The following INSR variants were observed in gnomAD, a reference collection of about 807,000 sequenced individuals.
The protein encoded by INSR is insulin receptor, also known as IR.
In INSR, 67 loss-of-function variants were observed where a neutral mutation model predicts 142.6. The observed-to-expected ratio is 0.47, with a 90% CI of 0.39 to 0.58. INSR has a LOEUF of 0.58. INSR is among the 20% of genes least tolerant of loss of function. The pLI, the probability that INSR is intolerant of heterozygous loss-of-function variation, is 0.00. For missense variants in INSR, 1,248 were observed against 1,833.2 expected, an observed-to-expected ratio of 0.68 and a Z score of 5.83; for synonymous variants, 756 against 743.1, an observed-to-expected ratio of 1.02 and a Z score of -0.28.
intron 2 of INSR, among the ~76,000 whole-genome samples, chr19:7,191,818 G>T (rs1974595539): frequency 6.6e-6 from 1 of 150,376 alleles, no homozygotes; most frequent in Non-Finnish European, 1.5e-5. Flanking sequence ...AATAAAGCAA[G>T]ACCCTATCTT....
At chr19:7,245,824 G>A (rs1308024391) in intron 2 of INSR, among the ~76,000 whole-genome samples, 2 of 152,120 alleles carry the variant, frequency 1.3e-5, no homozygotes, top group Non-Finnish European at 2.9e-5. Context: ...TAAACAGTAT[G>A]GTACTGGGAT....
chr19:7,251,224 A>C (rs577333359), intron 2 of INSR, among the ~76,000 whole-genome samples: 1 of 152,008 alleles, frequency 6.6e-6, no homozygotes, highest in Admixed American at 6.5e-5. Flanking sequence ...GTTCAAAACC[A>C]CTGCTAGAGA....
chr19:7,191,710 T>A (rs191556344), intron 2 of INSR, among the ~76,000 whole-genome samples: 439 of 152,004 alleles, frequency 2.9e-3, no homozygotes, highest in Middle Eastern at 0.014. Flanking sequence ...AAACCAATAG[T>A]CCCAGCTACT....
At chr19:7,268,301 TG>T (rs1967804417) in intron 1 of INSR, 3 of 371,796 alleles carry the variant, frequency 8.1e-6, no homozygotes, top group Non-Finnish European at 1.1e-5. Flanking sequence ...CGGTCAGAAA[TG>T]GGGCAAGGAA....
At chr19:7,128,374 G>C (rs930144478) in intron 15 of INSR, among the ~76,000 whole-genome samples, 1 of 151,574 alleles carries the variant, frequency 6.6e-6, no homozygotes, top group Non-Finnish European at 1.5e-5. Flanking sequence ...ACCATGCCCG[G>C]TTAATTTTTT....
At chr19:7,213,141 C>G (rs373631924) in intron 2 of INSR, among the ~76,000 whole-genome samples, 43 of 152,068 alleles carry the variant, frequency 2.8e-4, no homozygotes, top group Admixed American at 1.6e-3. Flanking sequence ...GTCAGGAGAT[C>G]GAGACCATCC....
At chr19:7,195,651 T>A (rs971043233) in intron 2 of INSR, among the ~76,000 whole-genome samples, 11 of 140,596 alleles carry the variant, frequency 7.8e-5, no homozygotes, top group East Asian at 3.9e-4. Flanking sequence ...CAAAAAAAAA[T>A]AAAAATAAAT....
At chr19:7,149,287 C>A (rs1179621329) in intron 11 of INSR, among the ~76,000 whole-genome samples, 1 of 152,098 alleles carries the variant, frequency 6.6e-6, no homozygotes, top group Non-Finnish European at 1.5e-5. Flanking sequence ...GTTAGTATTG[C>A]AAATGGCCAC....
In INSR at chr19:7,222,125, G is replaced by A. The variant is rs1378581179; in HGVS notation, c.653-37488C>T. On this transcript the variant is annotated intron_variant, in intron 2 of 21. Coordinates refer to ENST00000302850, the MANE Select transcript of INSR (RefSeq NM_000208.4). ...GAAGACACTCTGAGCCTATGTCCTC[G>A]GTAAAAAAAAAAAAAAAAAAAATCA... 6.8e-4 allele frequency among the ~76,000 whole-genome samples: 8 copies of A among 11,808 alleles called. No individual in the cohort carries two copies. The South Asian group carries it at 0.018, about 26-fold the overall frequency. 7.7% of individuals were successfully genotyped at this position (11,808 alleles called of 152,430 possible).
At chr19:7,164,009 G>A (rs1349421028) in intron 8 of INSR, among the ~76,000 whole-genome samples, 4 of 140,372 alleles carry the variant, frequency 2.8e-5, no homozygotes, top group Admixed American at 7.7e-5. Flanking sequence ...TGAGGCAGGA[G>A]AATCTTGAAC....
Position 7,128,914 on chromosome 19 carries a change from G to C in INSR, c.2883C>G (p.Pro961=). The change falls in exon 15 of 22, where the codon CCC becomes CCG. Residue 961 remains proline (P), a synonymous_variant. Transcript: ENST00000302850. ...CACTGAAGAGAAAGACAAAGATGAG[G>C]GGGCCGATGATAATTTTTGCAATAT... ...PSNIAKIIIG[P]LIFVFLFSVV... 6.2e-7 allele frequency: 1 copy of C among 1,613,988 alleles called. No individual in the cohort carries two copies. The highest frequency in any genetic ancestry group is 1.3e-5 in the African/African-American group (1 of 75,028).
In INSR at chr19:7,119,588, C is replaced by T. The variant is rs770711598; in HGVS notation, c.3660-5G>A. 3 of 1,613,818 alleles carry T rather than the reference C, an allele frequency of 1.9e-6. No individual in the cohort carries two copies. Among genetic ancestry groups the T allele is most frequent in the East Asian group, 2.2e-5 (1 of 44,874 alleles). On this transcript the variant is annotated splice_region_variant and splice_polypyrimidine_tract_variant and intron_variant, in intron 20 of 21. Coordinates refer to ENST00000302850, the MANE Select transcript of INSR (RefSeq NM_000208.4). The surrounding 1 kb of genome is among the most constrained non-coding windows in gnomAD (Gnocchi z 5.2). Reference sequence around the variant, plus strand: ...CAAAGGACCACGCCAAAGGACCTGCCGATGACAGTTGATAGTAGTAACAAA... The same window carrying T: ...CAAAGGACCACGCCAAAGGACCTGCTGATGACAGTTGATAGTAGTAACAAA...
At chr19:7,228,976 C>G (rs11882212) in intron 2 of INSR, among the ~76,000 whole-genome samples, 10 of 151,208 alleles carry the variant, frequency 6.6e-5, no homozygotes, top group African/African-American at 9.7e-5. Flanking sequence ...GCAGAGTAGA[C>G]AGAAGGATGG....
At chr19:7,176,256 C>T (rs1974132472) in intron 3 of INSR, among the ~76,000 whole-genome samples, 2 of 152,134 alleles carry the variant, frequency 1.3e-5, no homozygotes, top group South Asian at 4.1e-4. Context: ...GGCACCATAC[C>T]CCTTGGCAGT....
Position 7,225,551 on chromosome 19 carries a change from A to G in INSR, c.653-40914T>C, listed in dbSNP as rs555432055. Among the ~76,000 whole-genome samples, 1 of 152,116 alleles carries G rather than the reference A, an allele frequency of 6.6e-6. No individual in the cohort carries two copies. Among genetic ancestry groups the G allele is most frequent in the Admixed American group, 6.6e-5 (1 of 15,266 alleles). ...GACTCCCCAGCCCAGCACTTGAGTA[A>G]TACATAAACCCACCTTCATTAAATG... On this transcript the variant is annotated intron_variant, in intron 2 of 21. Coordinates refer to ENST00000302850, the MANE Select transcript of INSR (RefSeq NM_000208.4). The surrounding 1 kb of genome is among the most constrained non-coding windows in gnomAD (Gnocchi z 4.7).
At chr19:7,184,663 G>GAAATAAATAAAT (rs57380348) in intron 2 of INSR, 26 bp from the exon 3 acceptor site, 54 of 962,758 alleles carry the variant, frequency 5.6e-5, no homozygotes, top group East Asian at 4.2e-4. Flanking sequence ...GAGAGAGAGG[G>GAAATAAATAAAT]AAATAAATAA....
intron 9 of INSR, among the ~76,000 whole-genome samples, chr19:7,158,215 A>G (rs1190109634): frequency 6.6e-6 from 1 of 151,836 alleles, no homozygotes; most frequent in African/African-American, 2.4e-5. Context: ...AATGAAGCAT[A>G]ATGGGCCAGG....
rs533351639 is a variant in INSR, at chr19:7,158,320, G to GA, written c.2029+4711dup. ...TCGAGACCATCCTGGCTAACATGGT[G>GA]AAACCCCGTCTCTACTAAAAAATAC... On this transcript the variant is annotated intron_variant, in intron 9 of 21. Coordinates refer to ENST00000302850, the MANE Select transcript of INSR (RefSeq NM_000208.4). Among the ~76,000 whole-genome samples, 493 of 151,996 alleles carry GA rather than the reference G, an allele frequency of 3.2e-3. 5 individuals are homozygous for GA. Among genetic ancestry groups the GA allele is most frequent in the African/African-American group, 8.7e-3 (362 of 41,446 alleles).
At chr19:7,153,498 A>ACTACATGCACACCT (rs1282793264) in intron 9 of INSR, among the ~76,000 whole-genome samples, 57 of 115,196 alleles carry the variant, frequency 4.9e-4, no homozygotes, top group Admixed American at 1.3e-3. Flanking sequence ...CCACACACAC[A>ACTACATGCACACCT]CACAGTGAAG....
Sources: allele counts gnomAD v4.1 joint callset (sites outside exome capture counted in the v4.1 genomes callset), GRCh38; gene constraint gnomAD v4.1.1; non-coding constraint Gnocchi (gnomAD v3.1); transcripts MANE v1.5; gene names NCBI Gene and HGNC (gene_info 2026-07-23, HGNC 2026-07-21).